The following TLN1 variants were observed in gnomAD, a reference collection of about 807,000 sequenced individuals.
The protein encoded by TLN1 is talin-1.
In TLN1, 56 loss-of-function variants were observed where a neutral mutation model predicts 292.3. That is an observed-to-expected ratio of 0.19 (90% CI 0.15 to 0.24). TLN1 has a LOEUF of 0.24. Among genes scored for constraint, TLN1 ranks in the 10% least tolerant of loss-of-function variants. TLN1 has a pLI of 1.00. For synonymous variants in TLN1, 1,119 were observed against 1,253.7 expected (o/e 0.89, Z 2.27); for missense variants, 2,433 against 3,248.2 (o/e 0.75, Z 6.10).
Position 35,700,386 on chromosome 9 carries a change from C to A in TLN1, c.6475-10G>T, listed in dbSNP as rs776093367. 1.6e-5 allele frequency: 25 copies of A among 1,590,068 alleles called. No individual in the cohort carries two copies. The highest frequency in any genetic ancestry group is 2.0e-5 in the Non-Finnish European group (23 of 1,161,944). ...CTGGGGAACAGAAAACCTGTGGGGG[C>A]AGAAGAAGAAGAAAGATTTTACAGT... On this transcript the variant is annotated splice_polypyrimidine_tract_variant and intron_variant, in intron 48 of 56. Coordinates refer to ENST00000314888, the MANE Select transcript of TLN1 (RefSeq NM_006289.4).
chr9:35,727,771 C>T (rs1044107352), intron 1 of TLN1, among the ~76,000 whole-genome samples: 2 of 152,178 alleles, frequency 1.3e-5, no homozygotes, highest in South Asian at 2.1e-4. Context: ...TGTCTCCCCC[C>T]ATTTCCTCTG....
In TLN1 at chr9:35,721,634, G is replaced by A. The variant is rs370290270; in HGVS notation, c.1104+14C>T. Reference sequence around the variant, plus strand: ...ACTCCCAAAGCACTTTCTTGTTATAGTCCCCAGACTTACCAGGGTGAAGCT... The same window carrying A: ...ACTCCCAAAGCACTTTCTTGTTATAATCCCCAGACTTACCAGGGTGAAGCT... On this transcript the variant is annotated intron_variant, in intron 10 of 56. Coordinates refer to ENST00000314888, the MANE Select transcript of TLN1 (RefSeq NM_006289.4). 5.0e-6 allele frequency: 8 copies of A among 1,608,212 alleles called. No individual in the cohort carries two copies. The highest frequency in any genetic ancestry group is 4.0e-5 in the African/African-American group (3 of 74,802).
Position 35,711,707 on chromosome 9 carries a change from A to AG in TLN1, c.3766dup (p.Leu1256ProfsTer75), listed in dbSNP as rs1825672451. ...AGGGGTTCCCCGAGAGGCCTGCACC[A>AG]GTTCTGTGGCTGCCTGATTCAGCCC... On this transcript the variant is annotated frameshift_variant, in exon 29 of 57. Coordinates refer to ENST00000314888, the MANE Select transcript of TLN1 (RefSeq NM_006289.4). LOFTEE classifies it high-confidence loss of function. The AG allele has an allele frequency of 6.2e-7, 1 of 1,613,984 alleles. No homozygotes were observed.
chr9:35,715,133 C>A lies in TLN1; in HGVS notation c.2680G>T (p.Ala894Ser). Reference sequence around the variant, plus strand: ...TTGGTGGCCATGCGCAGCCCCTCAGCTGCCTCCCGCAGCCGCTGCTGCTGC... The same window carrying A: ...TTGGTGGCCATGCGCAGCCCCTCAGATGCCTCCCGCAGCCGCTGCTGCTGC... ...EEQQQRLREA[A>S]EGLRMATNAA... Residue 894 changes from alanine (A) to serine (S), a missense_variant, in exon 21 of 57, where the codon GCT (alanine) becomes TCT (serine). Coordinates refer to ENST00000314888, the MANE Select transcript of TLN1 (RefSeq NM_006289.4). The A allele has an allele frequency of 6.2e-7, 1 of 1,613,110 alleles. No homozygotes were observed.
intron 7 of TLN1, 106 bp from the exon 8 acceptor site, chr9:35,723,027 T>C (rs1248329842): frequency 1.1e-6 from 1 of 935,794 alleles, no homozygotes; most frequent in Non-Finnish European, 1.7e-6. Flanking sequence ...GACAGTGTTA[T>C]CTTTGGGGAG....
chr9:35,711,225 C>A (rs779852532), intron 30 of TLN1, 30 bp downstream of exon 30: 3 of 1,613,904 alleles, frequency 1.9e-6, no homozygotes, highest in Non-Finnish European at 2.5e-6. Context: ...CTCACACAGT[C>A]CAGGGCTGGG....
chr9:35,700,277 C>T lies in TLN1; in HGVS notation c.6574G>A (p.Ala2192Thr). The stretch of plus-strand genomic sequence containing the variant: ...TCTTCCTGGCGACAGGAATTGCCAG[C>T]AGCAACGGCCTTGGCGGTTGCCATG... Reference protein sequence around the residue: ...ITMATAKAVAAGNSCRQEDVI... With the variant: ...ITMATAKAVATGNSCRQEDVI... The change falls in exon 49 of 57, where the codon GCT becomes ACT. Residue 2192 changes from alanine to threonine, a missense_variant. Coordinates refer to ENST00000314888, the MANE Select transcript of TLN1 (RefSeq NM_006289.4). 6.2e-7 allele frequency: 1 copy of T among 1,613,638 alleles called. No individual in the cohort carries two copies. Among genetic ancestry groups the T allele is most frequent in the South Asian group, 1.1e-5 (1 of 91,082 alleles).
intron 48 of TLN1, among the ~76,000 whole-genome samples, chr9:35,700,622 G>A (rs898711429): frequency 7.2e-5 from 11 of 152,200 alleles, no homozygotes; most frequent in Admixed American, 7.2e-4. Context: ...CCTTGAAGGG[G>A]TGAGAGGCAG....
At chr9:35,715,401 A>T (rs1373299579) in intron 20 of TLN1, among the ~76,000 whole-genome samples, 1 of 152,254 alleles carries the variant, frequency 6.6e-6, no homozygotes, top group East Asian at 1.9e-4. Flanking sequence ...TGGATGCTGA[A>T]ATCCTTTCTT....
chr9:35,717,587 C>T lies in TLN1; in HGVS notation c.2163+32G>A, dbSNP rs761100344. On this transcript the variant is annotated intron_variant, in intron 18 of 56. Transcript: ENST00000314888. This position sits in a 1 kb window ranked among gnomAD's most constrained non-coding sequence, Gnocchi z 4.7. The stretch of plus-strand genomic sequence containing the variant: ...ACGTGTGTGTGGTAGTATTACCCCT[C>T]AGCACGGACTAGAGCAACCTTTGGG... The T allele has an allele frequency of 3.8e-6, 6 of 1,596,060 alleles. No individual in the cohort carries two copies. The highest frequency in any genetic ancestry group is 5.1e-6 in the Non-Finnish European group (6 of 1,165,980).
intron 27 of TLN1, 31 bp from the exon 28 acceptor site, chr9:35,712,155 A>G: frequency 1.9e-6 from 3 of 1,602,300 alleles, no homozygotes; most frequent in East Asian, 4.5e-5. Flanking sequence ...GGGTTGCCCA[A>G]GTGAAAAGAA....
At chr9:35,726,030 A>G (rs1825971684) in intron 1 of TLN1, among the ~76,000 whole-genome samples, 1 of 151,994 alleles carries the variant, frequency 6.6e-6, no homozygotes, top group South Asian at 2.1e-4. Context: ...CTCCTGTCTC[A>G]GCCTCCCCAG....
At chr9:35,731,943 G>C (rs1037603559) in intron 1 of TLN1, 132 bp downstream of exon 1, 1 of 152,520 alleles carries the variant, frequency 6.6e-6, no homozygotes, top group Non-Finnish European at 1.5e-5. Context: ...CTCAAGCCGA[G>C]ATGCGCTGGA....
chr9:35,721,059 C>G (rs1276112611), intron 10 of TLN1, 146 bp from the exon 11 acceptor site: 2 of 597,500 alleles, frequency 3.3e-6, no homozygotes, highest in Non-Finnish European at 5.9e-6. Flanking sequence ...TCTTGAACCT[C>G]CTCTTTATTT....
chr9:35,711,337 T>C lies in TLN1; in HGVS notation c.3937A>G (p.Ser1313Gly), dbSNP rs762642967. 5.6e-6 allele frequency: 9 copies of C among 1,614,054 alleles called. No individual in the cohort carries two copies. Among genetic ancestry groups the C allele is most frequent in the Middle Eastern group, 1.6e-4 (1 of 6,084 alleles). The change falls in exon 30 of 57, where the codon AGC (serine) becomes GGC (glycine). Residue 1313 changes from serine (S) to glycine (G), a missense_variant. Coordinates refer to ENST00000314888, the MANE Select transcript of TLN1 (RefSeq NM_006289.4). ...SNLKGISMSS[S>G]KLLLAAKALS... ...GCCTTGGCAGCCAGAAGAAGTTTGC[T>C]TGAAGACATGGAGATGCCCTTCAAG...
chr9:35,720,453 C>T lies in TLN1; in HGVS notation c.1263G>A (p.Glu421=), dbSNP rs376505781. The change falls in exon 12 of 57, where the codon GAG becomes GAA. Residue 421 remains glutamate (E), a synonymous_variant. Coordinates refer to ENST00000314888, the MANE Select transcript of TLN1 (RefSeq NM_006289.4). ...CGTACTTTTTGGGGGACACTGAGTC[C>T]TCCAGCATAGTAGACTCCTCATCTC... ...LEGDEESTML[E]DSVSPKKSTV... 10 of 1,613,972 alleles carry T rather than the reference C, an allele frequency of 6.2e-6. No individual in the cohort carries two copies. Among genetic ancestry groups the T allele is most frequent in the Non-Finnish European group, 8.5e-7 (1 of 1,180,010 alleles).
rs1421906894 is a variant in TLN1, at chr9:35,713,041, T to C, written c.3355A>G (p.Ile1119Val). 3 of 1,603,666 alleles carry C rather than the reference T, an allele frequency of 1.9e-6. No individual in the cohort carries two copies. The highest frequency in any genetic ancestry group is 2.6e-6 in the Non-Finnish European group (3 of 1,173,982). ...CCACCTGCCACATCCCGAGCTGCAA[T>C]ACCTTGGGAGATGAGGAGAAAGAGG... ...VAQGNENYAG[I>V]AARDVAGGLR... The change falls in exon 27 of 57, where the codon ATT becomes GTT. Residue 1119 changes from isoleucine to valine, a missense_variant and splice_region_variant. Transcript: ENST00000314888.
intron 16 of TLN1, 80 bp from the exon 17 acceptor site, chr9:35,718,990 G>A: frequency 6.3e-7 from 1 of 1,596,516 alleles, no homozygotes; most frequent in Non-Finnish European, 8.6e-7. Flanking sequence ...ACGGGACCCA[G>A]GCTTCCATCC....
chr9:35,722,572 C>T (rs757604398), intron 8 of TLN1, among the ~76,000 whole-genome samples: 3 of 152,168 alleles, frequency 2.0e-5, no homozygotes, highest in Non-Finnish European at 4.4e-5. Flanking sequence ...ATTATGCTAC[C>T]TCATTTGATC....
Sources: allele counts gnomAD v4.1 joint callset (sites outside exome capture counted in the v4.1 genomes callset), GRCh38; gene constraint gnomAD v4.1.1; non-coding constraint Gnocchi (gnomAD v3.1); transcripts MANE v1.5; gene names NCBI Gene and HGNC (gene_info 2026-07-23, HGNC 2026-07-21).